SLC4A5: variants seen among roughly 807,000 people sequenced by gnomAD.
SLC4A5 encodes the protein solute carrier family 4 member 5, also known as electrogenic sodium bicarbonate cotransporter 4.
Under a neutral mutation model 120.4 loss-of-function variants are expected in SLC4A5, and 96 were observed. The observed-to-expected ratio is 0.80, with a 90% CI of 0.68 to 0.94. The LOEUF (loss-of-function observed/expected upper bound fraction) is 0.94, where lower values mean the gene tolerates loss of function less well. Among genes scored for constraint, SLC4A5 ranks in the 40% least tolerant of loss-of-function variants. The pLI, the probability that SLC4A5 is intolerant of heterozygous loss-of-function variation, is 0.00. For missense variants in SLC4A5, 1,259 were observed against 1,459.5 expected, an observed-to-expected ratio of 0.86 and a Z score of 2.24; for synonymous variants, 550 against 571.1, an observed-to-expected ratio of 0.96 and a Z score of 0.53.
intron 21 of SLC4A5, among the ~76,000 whole-genome samples, chr2:74,237,998 A>T (rs1476815978): frequency 6.6e-6 from 1 of 152,106 alleles, no homozygotes; most frequent in African/African-American, 2.4e-5. Flanking sequence ...GCTATTTGGG[A>T]GGCTGAGGCA....
At chr2:74,278,366 C>T (rs1009238569) in intron 8 of SLC4A5, among the ~76,000 whole-genome samples, 3 of 152,178 alleles carry the variant, frequency 2.0e-5, no homozygotes, top group Non-Finnish European at 4.4e-5. Context: ...CTGGGTCAAC[C>T]GCGTGATGGC....
chr2:74,256,019 A>G, intron 12 of SLC4A5, 87 bp from the exon 13 acceptor site: 1 of 1,458,358 alleles, frequency 6.9e-7, no homozygotes, highest in East Asian at 2.3e-5. Context: ...TTGAGGCCTA[A>G]CTTGAAAAAA....
Position 74,254,739 on chromosome 2 carries a change from A to C in SLC4A5, c.1026-33T>G, listed in dbSNP as rs78621742. On this transcript the variant is annotated intron_variant, in intron 13 of 30. Coordinates refer to ENST00000394019, the Ensembl canonical transcript of SLC4A5. The stretch of plus-strand genomic sequence containing the variant: ...GAAGATGGAGGAGGAGACAGAGAAG[A>C]TTAAGGAAGAGGAGCATGAAAGTGA... 16 of 1,477,968 alleles carry C rather than the reference A, an allele frequency of 1.1e-5. No homozygotes were observed. The East Asian group carries it at 3.6e-4, about 33-fold the overall frequency. The allele number at this position is 1,477,968 out of a possible 1,614,324, so 91.6% of individuals were successfully genotyped here. A position where few individuals can be genotyped will look rare whatever the true frequency, so the allele number is the denominator to read the frequency against.
intron 21 of SLC4A5, 67 bp from the exon 22 acceptor site, chr2:74,235,281 G>A (rs1345628442): frequency 1.3e-5 from 16 of 1,213,612 alleles, no homozygotes; most frequent in Non-Finnish European, 1.8e-5. Flanking sequence ...GGCAGCCCCA[G>A]TCCTCCGGCA....
At chr2:74,247,563 G>A (rs1670653031) in intron 18 of SLC4A5, among the ~76,000 whole-genome samples, 1 of 151,458 alleles carries the variant, frequency 6.6e-6, no homozygotes, top group African/African-American at 2.4e-5. Flanking sequence ...CACCCAGTCT[G>A]GACTGCAATG....
chr2:74,319,993 A>C (rs374467156), intron 5 of SLC4A5, among the ~76,000 whole-genome samples: 28 of 152,350 alleles, frequency 1.8e-4, no homozygotes, highest in African/African-American at 6.7e-4. Flanking sequence ...TGAACCTATA[A>C]GTTTTTAAAG....
At chr2:74,307,474 C>T (rs1672680160) in intron 6 of SLC4A5, 16 of 624,014 alleles carry the variant, frequency 2.6e-5, no homozygotes, top group Non-Finnish European at 3.9e-5. Flanking sequence ...CCACGGATGT[C>T]GCTCTCTACA....
chr2:74,222,734 T>A, intron 29 of SLC4A5, 134 bp downstream of exon 29: 1 of 778,840 alleles, frequency 1.3e-6, no homozygotes, highest in Non-Finnish European at 2.2e-6. Flanking sequence ...TTGTCCCTTA[T>A]GACAAAAAAG....
chr2:74,225,089 C>A, intron 27 of SLC4A5, 94 bp from the exon 28 acceptor site: 2 of 1,262,208 alleles, frequency 1.6e-6, no homozygotes, highest in Non-Finnish European at 2.2e-6. Flanking sequence ...CTCCCTCAGT[C>A]GGCTGAGTTC....
intron 5 of SLC4A5, among the ~76,000 whole-genome samples, chr2:74,326,395 A>G (rs1673217044): frequency 6.6e-6 from 1 of 152,192 alleles, no homozygotes; most frequent in East Asian, 1.9e-4. Flanking sequence ...GGTGTTGAGC[A>G]TGGCTTTACA....
intron 8 of SLC4A5, among the ~76,000 whole-genome samples, chr2:74,284,731 G>A (rs1202830271): frequency 6.6e-6 from 1 of 152,042 alleles, no homozygotes; most frequent in African/African-American, 2.4e-5. Context: ...CACAGGCACT[G>A]GGGATATGAG....
At chr2:74,298,481 A>G (rs1466819337) in intron 7 of SLC4A5, among the ~76,000 whole-genome samples, 4 of 152,258 alleles carry the variant, frequency 2.6e-5, no homozygotes. Flanking sequence ...AAAGGAAAAC[A>G]GGAGAAAAGT....
intron 7 of SLC4A5, among the ~76,000 whole-genome samples, chr2:74,301,321 G>C (rs753336077): frequency 6.6e-6 from 1 of 152,180 alleles, no homozygotes; most frequent in Admixed American, 6.5e-5. Flanking sequence ...CCATTATTCT[G>C]TAAGGCAGGA....
intron 12 of SLC4A5, among the ~76,000 whole-genome samples, chr2:74,257,799 A>C (rs1671016295): frequency 6.6e-6 from 1 of 152,058 alleles, no homozygotes; most frequent in African/African-American, 2.4e-5. Flanking sequence ...GCTGGTCTCA[A>C]ACTCCTGGCC....
At chr2:74,256,092 G>T (rs1051296076) in intron 12 of SLC4A5, among the ~76,000 whole-genome samples, 160 bp from the exon 13 acceptor site, 1 of 152,218 alleles carries the variant, frequency 6.6e-6, no homozygotes, top group African/African-American at 2.4e-5. Flanking sequence ...TCTGCAGATG[G>T]GGAGACTGAA....
intron 8 of SLC4A5, among the ~76,000 whole-genome samples, chr2:74,285,150 C>T (rs958682536): frequency 3.3e-5 from 5 of 152,058 alleles, no homozygotes; most frequent in Non-Finnish European, 7.4e-5. Flanking sequence ...GAGGCTGAAG[C>T]GGGAGGATCA....
At chr2:74,283,911 C>T (rs1309486945) in intron 8 of SLC4A5, among the ~76,000 whole-genome samples, 1 of 150,424 alleles carries the variant, frequency 6.6e-6, no homozygotes, top group Non-Finnish European at 1.5e-5. Flanking sequence ...AATCATGGCT[C>T]ACTGCAGCCT....
At chr2:74,256,319 G>C (rs908057070) in intron 12 of SLC4A5, among the ~76,000 whole-genome samples, 1 of 152,198 alleles carries the variant, frequency 6.6e-6, no homozygotes, top group African/African-American at 2.4e-5. Context: ...CAGCCACCCA[G>C]ACCTCCCCTC....
intron 10 of SLC4A5, among the ~76,000 whole-genome samples, chr2:74,263,622 C>G (rs1011293887): frequency 6.6e-6 from 1 of 152,194 alleles, no homozygotes; most frequent in Non-Finnish European, 1.5e-5. Context: ...ACCAGATCTA[C>G]AAGCCCTGGC....
Sources: gnomAD v4.1 joint callset for allele counts (sites outside exome capture counted in the v4.1 genomes callset) on GRCh38, gnomAD v4.1.1 for gene constraint, MANE v1.5 for transcripts, NCBI Gene and HGNC (gene_info 2026-07-23, HGNC 2026-07-21) for gene names.